Variants in ADAMTSL1 observed in about 807,000 individuals in gnomAD.
The protein encoded by ADAMTSL1 is ADAMTS like 1, also known as ADAMTS-like protein 1.
Under a neutral mutation model 201.8 loss-of-function variants are expected in ADAMTSL1, and 126 were observed. That is an observed-to-expected ratio of 0.62 (90% CI 0.54 to 0.72). ADAMTSL1 has a LOEUF of 0.72. Among genes scored for constraint, ADAMTSL1 ranks in the 30% least tolerant of loss-of-function variants. The pLI is 0.00. For synonymous variants in ADAMTSL1, 1,121 were observed against 903.4 expected (o/e 1.24, Z -4.32); for missense variants, 2,679 against 2,277.8 (o/e 1.18, Z -3.59).
intron 1 of ADAMTSL1, among the ~76,000 whole-genome samples, chr9:17,979,997 A>C (rs1257647368): frequency 6.6e-6 from 1 of 152,130 alleles, no homozygotes; most frequent in East Asian, 1.9e-4. Context: ...ATTGAAATTC[A>C]ATAGGGTGAG....
intron 1 of ADAMTSL1, among the ~76,000 whole-genome samples, chr9:17,907,879 G>A (rs1413300603): frequency 6.6e-6 from 1 of 152,110 alleles, no homozygotes; most frequent in African/African-American, 2.4e-5. Flanking sequence ...CCTTTCACAG[G>A]ATTACTTGGG....
chr9:18,616,031 GC>G (rs1825680343), intron 4 of ADAMTSL1, among the ~76,000 whole-genome samples: 1 of 151,858 alleles, frequency 6.6e-6, no homozygotes, highest in Non-Finnish European at 1.5e-5. Context: ...CTTAAAAATT[GC>G]TTTTTTTTTT....
intron 2 of ADAMTSL1, among the ~76,000 whole-genome samples, chr9:18,435,948 G>A (rs1443820634): frequency 6.6e-6 from 1 of 152,174 alleles, no homozygotes; most frequent in Non-Finnish European, 1.5e-5. Flanking sequence ...ATGAGATTTG[G>A]GTGGGGTCAT....
Position 18,829,883 on chromosome 9 carries a change from C to T in ADAMTSL1, c.4155C>T (p.Ala1385=), listed in dbSNP as rs1364759627. 2.5e-6 allele frequency: 4 copies of T among 1,613,874 alleles called. No individual in the cohort carries two copies. Among genetic ancestry groups the T allele is most frequent in the Non-Finnish European group, 3.4e-6 (4 of 1,179,896 alleles). The change falls in exon 23 of 29, where the codon GCC becomes GCT. Residue 1385 remains alanine (A), a synonymous_variant. Transcript: ENST00000380548. ...CCACACAGTTGGAAGACATCAGGGCCTTGCTCGCTGCCACTGGACCGAACC... is the reference window on the plus strand; with the variant it reads ...CCACACAGTTGGAAGACATCAGGGCTTTGCTCGCTGCCACTGGACCGAACC... ...QVPTQLEDIR[A]LLAATGPNLP...
At chr9:18,346,363 C>A (rs1162427884) in intron 2 of ADAMTSL1, among the ~76,000 whole-genome samples, 1 of 152,114 alleles carries the variant, frequency 6.6e-6, no homozygotes, top group Non-Finnish European at 1.5e-5. Context: ...ATGGTACCCA[C>A]TGTATGGTAG....
At chr9:17,979,356 C>A (rs1358230929) in intron 1 of ADAMTSL1, among the ~76,000 whole-genome samples, 1 of 151,908 alleles carries the variant, frequency 6.6e-6, no homozygotes, top group East Asian at 1.9e-4. Flanking sequence ...TTTACAATTT[C>A]TTTTCTCTTT....
intron 2 of ADAMTSL1, among the ~76,000 whole-genome samples, chr9:18,203,075 G>T (rs1017283009): frequency 6.6e-6 from 1 of 152,076 alleles, no homozygotes; most frequent in Non-Finnish European, 1.5e-5. Flanking sequence ...TCCTGACCAG[G>T]TTATACCCAA....
chr9:18,711,437 G>A (rs1289929123), intron 14 of ADAMTSL1, among the ~76,000 whole-genome samples: 1 of 152,274 alleles, frequency 6.6e-6, no homozygotes, highest in African/African-American at 2.4e-5. Flanking sequence ...CACTCGGGAA[G>A]CGCAAGGGGT....
At chr9:18,014,738 A>G (rs1820187157) in intron 1 of ADAMTSL1, among the ~76,000 whole-genome samples, 1 of 150,496 alleles carries the variant, frequency 6.6e-6, no homozygotes, top group Non-Finnish European at 1.5e-5. Flanking sequence ...AGGCCAAGGC[A>G]GTGGAGGCTG....
chr9:18,743,318 G>A (rs936487236), intron 15 of ADAMTSL1, among the ~76,000 whole-genome samples: 1 of 152,122 alleles, frequency 6.6e-6, no homozygotes, highest in Non-Finnish European at 1.5e-5. Context: ...GCCATGTTCT[G>A]TAAAGGAAGT....
chr9:18,071,711 A>G lies in ADAMTSL1; in HGVS notation c.88-92151A>G, dbSNP rs1440043521. Among the ~76,000 whole-genome samples the G allele has an allele frequency of 2.6e-5, 4 of 152,192 alleles. No homozygotes were observed. In the East Asian group the frequency reaches 7.7e-4, roughly 29 times the overall value. On this transcript the variant is annotated intron_variant, in intron 1 of 29. Coordinates refer to the ADAMTSL1 transcript ENST00000680146. ...TCTATAGAGATTTCTCTGTATCAGG[A>G]CGTTTCCTCGAAAGTAGGAGATAAG...
chr9:18,742,185 C>T (rs1818870664), intron 15 of ADAMTSL1, among the ~76,000 whole-genome samples: 1 of 152,132 alleles, frequency 6.6e-6, no homozygotes, highest in Admixed American at 6.5e-5. Context: ...AATAAGGTCA[C>T]ATTCTGAGGT....
intron 26 of ADAMTSL1, among the ~76,000 whole-genome samples, chr9:18,901,123 G>A (rs1429286116): frequency 1.3e-5 from 2 of 149,678 alleles, no homozygotes; most frequent in East Asian, 3.9e-4. Context: ...AAGACCATGA[G>A]CCAAATAAGC....
intron 26 of ADAMTSL1, among the ~76,000 whole-genome samples, chr9:18,896,127 G>T (rs1829622042): frequency 6.6e-6 from 1 of 152,170 alleles, no homozygotes; most frequent in Non-Finnish European, 1.5e-5. Flanking sequence ...CATTTTGAGA[G>T]TCTCAGAAGA....
intron 1 of ADAMTSL1, among the ~76,000 whole-genome samples, chr9:18,084,314 G>A (rs960516586): frequency 6.6e-6 from 1 of 152,002 alleles, no homozygotes; most frequent in Non-Finnish European, 1.5e-5. Context: ...CTGAGGTCAG[G>A]AGTTAGAGAC....
At chr9:17,938,555 G>A (rs1827105755) in intron 1 of ADAMTSL1, among the ~76,000 whole-genome samples, 1 of 152,098 alleles carries the variant, frequency 6.6e-6, no homozygotes, top group Admixed American at 6.6e-5. Flanking sequence ...TGTTCCACTA[G>A]CTGCAGGTGT....
intron 13 of ADAMTSL1, 182 bp downstream of exon 13, chr9:18,684,982 A>C (rs1020371488): frequency 7.3e-7 from 1 of 1,373,774 alleles, no homozygotes. Flanking sequence ...TGATGATTGC[A>C]TTGTAAATAC....
chr9:18,052,272 A>G (rs947807815), intron 1 of ADAMTSL1, among the ~76,000 whole-genome samples: 3 of 152,256 alleles, frequency 2.0e-5, no homozygotes, highest in East Asian at 1.9e-4. Context: ...AAATAAATAC[A>G]TACTTTCACA....
chr9:18,843,189 T>C (rs1244739960), intron 23 of ADAMTSL1, among the ~76,000 whole-genome samples: 2 of 150,876 alleles, frequency 1.3e-5, no homozygotes, highest in Non-Finnish European at 2.9e-5. Flanking sequence ...TTCCTTTCCA[T>C]GTTTAGTGCT....
Sources: allele counts gnomAD v4.1 joint callset (sites outside exome capture counted in the v4.1 genomes callset), GRCh38; gene constraint gnomAD v4.1.1; transcripts MANE v1.5; gene names NCBI Gene and HGNC (gene_info 2026-07-23, HGNC 2026-07-21).